Variants in LIMCH1 observed in about 807,000 individuals in gnomAD.
LIMCH1 encodes LIM and calponin homology domains-containing protein 1.
In LIMCH1, 113 loss-of-function variants were observed where a neutral mutation model predicts 176.5. That is an observed-to-expected ratio of 0.64 (90% CI 0.55 to 0.75). The LOEUF is 0.75. Ranked by LOEUF, LIMCH1 falls within the 30% of genes least tolerant of loss-of-function variation. The pLI is 0.00. For synonymous variants in LIMCH1, 619 were observed against 645.9 expected, an observed-to-expected ratio of 0.96 and a Z score of 0.63; for missense variants, 1,674 against 1,814.9, an observed-to-expected ratio of 0.92 and a Z score of 1.41.
chr4:41,512,502 A>G (rs183877128), intron 2 of LIMCH1, among the ~76,000 whole-genome samples: 4 of 152,368 alleles, frequency 2.6e-5, no homozygotes, highest in Admixed American at 1.3e-4. Flanking sequence ...GAAACACCCA[A>G]ATGTCCACAG....
chr4:41,551,489 A>G (rs9994498), intron 1 of LIMCH1: 37,408 of 152,002 alleles, frequency 0.25, 7,441 homozygotes, highest in African/African-American at 0.55. Flanking sequence ...TTCCAGGGGT[A>G]GGCTGTATTG....
At chr4:41,590,455 A>G (rs970685573) in intron 1 of LIMCH1, among the ~76,000 whole-genome samples, 9 of 151,970 alleles carry the variant, frequency 5.9e-5, no homozygotes, top group Non-Finnish European at 1.0e-4. Flanking sequence ...TGCACCTGAC[A>G]TCTTTTCCCA....
intron 1 of LIMCH1, among the ~76,000 whole-genome samples, chr4:41,574,706 T>C (rs946066811): frequency 6.6e-6 from 1 of 152,184 alleles, no homozygotes; most frequent in Non-Finnish European, 1.5e-5. Context: ...CTATTAAGAC[T>C]TCAAATGTGG....
chr4:41,512,498 C>A (rs555709903), intron 2 of LIMCH1, among the ~76,000 whole-genome samples: 1 of 152,144 alleles, frequency 6.6e-6, no homozygotes, highest in Non-Finnish European at 1.5e-5. Flanking sequence ...GGTGGAAACA[C>A]CCAAATGTCC....
At chr4:41,471,980 C>T (rs1025040452) in intron 1 of LIMCH1, among the ~76,000 whole-genome samples, 3 of 152,112 alleles carry the variant, frequency 2.0e-5, no homozygotes, top group African/African-American at 7.2e-5. Context: ...CTTTTCTTTC[C>T]TTAACTTTTC....
intron 1 of LIMCH1, among the ~76,000 whole-genome samples, chr4:41,584,671 G>GTTTT (rs545776276): frequency 7.9e-5 from 12 of 151,706 alleles, no homozygotes; most frequent in Admixed American, 1.3e-4. Context: ...GTTTATTGCT[G>GTTTT]TTTTTTTTGT....
At chr4:41,579,825 CTGTT>C (rs942543671) in intron 1 of LIMCH1, among the ~76,000 whole-genome samples, 3 of 152,146 alleles carry the variant, frequency 2.0e-5, no homozygotes, top group African/African-American at 4.8e-5. Flanking sequence ...ATGTAGCGGT[CTGTT>C]TGTTTCTCAA....
intron 31 of LIMCH1, among the ~76,000 whole-genome samples, chr4:41,696,303 G>A (rs1260675143): frequency 6.6e-6 from 1 of 152,170 alleles, no homozygotes; most frequent in Non-Finnish European, 1.5e-5. Context: ...CTGTGTCTTT[G>A]TACATGGTGT....
intron 1 of LIMCH1, among the ~76,000 whole-genome samples, chr4:41,452,501 G>A (rs1246134001): frequency 6.6e-6 from 1 of 152,154 alleles, no homozygotes; most frequent in Admixed American, 6.5e-5. Flanking sequence ...TCAGTTCCCT[G>A]CATCCTCATC....
At chr4:41,659,940 A>G (rs924362134) in intron 18 of LIMCH1, among the ~76,000 whole-genome samples, 8 of 152,162 alleles carry the variant, frequency 5.3e-5, no homozygotes, top group African/African-American at 1.4e-4. Flanking sequence ...TTGTTTTCCA[A>G]TTACAGAAGT....
rs556804294 is a variant in LIMCH1, at chr4:41,408,162, G to T, written c.96+47226G>T. 2.6e-5 allele frequency among the ~76,000 whole-genome samples: 4 copies of T among 152,202 alleles called. No homozygotes were observed. The South Asian group carries it at 6.2e-4, about 24-fold the overall frequency. On this transcript the variant is annotated intron_variant, in intron 1 of 26. Transcript: ENST00000313860. ...GGCAGCAAAGTGAACAAGGGCAAAGGCATGGGTAGGGAGACAAGCCTGGGA... is the reference window on the plus strand; with the variant it reads ...GGCAGCAAAGTGAACAAGGGCAAAGTCATGGGTAGGGAGACAAGCCTGGGA...
At chr4:41,684,314 C>T (rs926320258) in intron 26 of LIMCH1, 83 bp from the exon 27 acceptor site, 111 of 1,211,530 alleles carry the variant, frequency 9.2e-5, no homozygotes, top group Non-Finnish European at 1.2e-4. Flanking sequence ...AATTGGTACT[C>T]CCATCCTTTA....
At chr4:41,644,211 C>T (rs2093952159) in intron 14 of LIMCH1, among the ~76,000 whole-genome samples, 1 of 152,210 alleles carries the variant, frequency 6.6e-6, no homozygotes, top group Non-Finnish European at 1.5e-5. Flanking sequence ...CTTCTTTAAA[C>T]CTATTTTGGC....
At chr4:41,666,699 T>C (rs1157450073) in intron 21 of LIMCH1, 33 bp downstream of exon 21, 1 of 1,376,046 alleles carries the variant, frequency 7.3e-7, no homozygotes, top group African/African-American at 1.4e-5. Context: ...TAGGTCTGCA[T>C]GTTCTGGGCC....
intron 1 of LIMCH1, among the ~76,000 whole-genome samples, chr4:41,462,244 T>A (rs1383519850): frequency 2.0e-5 from 3 of 152,174 alleles, no homozygotes; most frequent in Non-Finnish European, 2.9e-5. Context: ...TCTTTTCAAG[T>A]TGTTTGTGCT....
intron 1 of LIMCH1, among the ~76,000 whole-genome samples, chr4:41,461,504 G>A (rs916019083): frequency 6.6e-6 from 1 of 152,150 alleles, no homozygotes; most frequent in African/African-American, 2.4e-5. Flanking sequence ...GAGGGTCCGT[G>A]GTCCCACTGG....
chr4:41,612,878 G>A lies in LIMCH1; in HGVS notation c.10-588G>A, dbSNP rs151253368. 1,080 of 1,069,480 alleles carry A rather than the reference G, an allele frequency of 1.0e-3. 5 individuals carry two copies. In the African/African-American group the frequency reaches 0.018, roughly 18 times the overall value. The allele number at this position is 1,069,480 out of a possible 1,614,324, so 66.2% of individuals were successfully genotyped here. On this transcript the variant is annotated intron_variant, in intron 4 of 31. Coordinates refer to ENST00000503057, the MANE Select transcript of LIMCH1 (RefSeq NM_001330672.2). ...TTTTTTTTTTTTTTTTTTAACTTTT[G>A]CCTCAGAAAGACAGCTCCCTTTCAG... is the stretch of plus-strand genomic sequence containing the variant.
rs768036949 is a variant in LIMCH1 at position 41,629,742 on chromosome 4, A to G, written c.1271+8A>G. 5.2e-6 allele frequency: 8 copies of G among 1,530,150 alleles called. No homozygotes were observed. The highest frequency in any genetic ancestry group is 2.5e-5 in the East Asian group (1 of 40,756). 94.8% of individuals were successfully genotyped at this position (1,530,150 alleles called of 1,614,324 possible). A position where few individuals can be genotyped will look rare whatever the true frequency, so the allele number is the denominator to read the frequency against. On this transcript the variant is annotated splice_region_variant and intron_variant, in intron 9 of 31. Transcript: ENST00000503057. ...AGTGTCAGAAAAGGCGAGGTGTGTCATGTTTCCCCCCCAGTTTCCCCCTGG... is the reference window on the plus strand; with the variant it reads ...AGTGTCAGAAAAGGCGAGGTGTGTCGTGTTTCCCCCCCAGTTTCCCCCTGG...
intron 21 of LIMCH1, among the ~76,000 whole-genome samples, chr4:41,669,033 G>A (rs946260349): frequency 6.6e-5 from 10 of 152,164 alleles, no homozygotes; most frequent in African/African-American, 2.4e-4. Flanking sequence ...AGATTTGGGA[G>A]GGGACATAGC....
Sources: allele counts gnomAD v4.1 joint callset (sites outside exome capture counted in the v4.1 genomes callset), GRCh38; gene constraint gnomAD v4.1.1; transcripts MANE v1.5; gene names NCBI Gene and HGNC (gene_info 2026-07-23, HGNC 2026-07-21).